Variants in ANK2 observed in about 807,000 individuals in gnomAD.
The protein encoded by ANK2 is ankyrin-2.
ANK2 carries 83 observed loss-of-function variants against 360.5 expected under a neutral mutation model. The ratio of observed to expected loss-of-function variants is 0.23; its 90% CI spans 0.19 to 0.28. The LOEUF is 0.28. ANK2 is among the 10% of genes least tolerant of loss of function. The pLI, the probability that ANK2 is intolerant of heterozygous loss-of-function variation, is 1.00. For synonymous variants in ANK2, 1,740 were observed against 1,759.5 expected (o/e 0.99, Z 0.28); for missense variants, 4,201 against 4,795.7 (o/e 0.88, Z 3.66).
In ANK2 at chr4:112,901,188, G is replaced by A. The variant is rs76416209; in HGVS notation, c.-39-3267G>A. On this transcript the variant is annotated intron_variant, in intron 1 of 30. Coordinates refer to the ANK2 transcript ENST00000503271. ...TTTTGTAGGGAGTCATTTTTTTGGG[G>A]TATTAGAGTGACCACTTTTAGCCCC... Among the ~76,000 whole-genome samples, 8 of 152,126 alleles carry A rather than the reference G, an allele frequency of 5.3e-5. No individual in the cohort carries two copies. The South Asian group carries it at 1.7e-3, about 32-fold the overall frequency.
chr4:112,954,122 G>A (rs1581814427), intron 2 of ANK2, among the ~76,000 whole-genome samples: 2 of 151,880 alleles, frequency 1.3e-5, no homozygotes, highest in South Asian at 2.1e-4. Flanking sequence ...CTTTTTCATA[G>A]AATTAAATTT....
intron 45 of ANK2, among the ~76,000 whole-genome samples, chr4:113,379,132 T>C (rs2097075936): frequency 6.6e-6 from 1 of 152,188 alleles, no homozygotes; most frequent in Admixed American, 6.5e-5. Context: ...AAGAGTGTAA[T>C]TGCTCTCTCA....
intron 2 of ANK2, among the ~76,000 whole-genome samples, chr4:112,937,575 G>A (rs1432002151): frequency 6.6e-6 from 1 of 152,088 alleles, no homozygotes; most frequent in Non-Finnish European, 1.5e-5. Context: ...TGATCCACCC[G>A]CCTCGGCCTC....
chr4:113,270,126 A>C (rs1225230082), intron 14 of ANK2, among the ~76,000 whole-genome samples: 1 of 152,056 alleles, frequency 6.6e-6, no homozygotes, highest in Non-Finnish European at 1.5e-5. Flanking sequence ...CAACCAGTGC[A>C]CTCTGACTAT....
chr4:113,093,353 A>G (rs1274078247), intron 1 of ANK2, among the ~76,000 whole-genome samples: 4 of 151,948 alleles, frequency 2.6e-5, no homozygotes, highest in Admixed American at 6.6e-5. Flanking sequence ...TTGTGTATTT[A>G]TATTTATTTT....
At chr4:113,236,936 C>A in intron 5 of ANK2, 51 bp from the exon 6 acceptor site, 1 of 1,561,840 alleles carries the variant, frequency 6.4e-7, no homozygotes, top group South Asian at 1.1e-5. Flanking sequence ...AGAACTAAAT[C>A]TCTAGCATCT....
the ANK2 span, among the ~76,000 whole-genome samples, chr4:112,725,400 G>A: frequency 5.9e-5 from 6 of 101,906 alleles, no homozygotes; most frequent in Non-Finnish European, 9.0e-5. Flanking sequence ...TTGCTGTGTC[G>A]CCCAGGCTGG....
Position 113,365,079 on chromosome 4 carries a change from G to A in ANK2, c.10929G>A (p.Met3643Ile). The A allele has an allele frequency of 6.2e-7, 1 of 1,613,928 alleles. No homozygotes were observed. Among genetic ancestry groups the A allele is most frequent in the Non-Finnish European group, 8.5e-7 (1 of 1,179,892 alleles). The change falls in exon 41 of 46, where the codon ATG becomes ATA. Residue 3643 changes from methionine (M) to isoleucine (I), a missense_variant. This residue lies in a region of ANK2 where 2,642 missense variants were observed against 2,714.5 expected (regional missense o/e 0.97). Transcript: ENST00000357077. ...AATGTCTCACCAAGATCAACCGAAT[G>A]GATATTGTTCATCTCATGGAGACCA... is the stretch of plus-strand genomic sequence containing the variant. ...LVECLTKINR[M>I]DIVHLMETNT...
chr4:113,070,342 T>C (rs1309965937), intron 1 of ANK2, among the ~76,000 whole-genome samples: 1 of 151,790 alleles, frequency 6.6e-6, no homozygotes, highest in Non-Finnish European at 1.5e-5. Context: ...CCTTTATCAT[T>C]AAAAAAAAGT....
chr4:112,842,711 CTCCT>C (rs1172093965), intron 1 of ANK2, among the ~76,000 whole-genome samples: 1 of 152,232 alleles, frequency 6.6e-6, no homozygotes, highest in Non-Finnish European at 1.5e-5. Flanking sequence ...GGCCGCTCAG[CTCCT>C]GCTGTGCGGC....
intron 2 of ANK2, among the ~76,000 whole-genome samples, chr4:112,947,241 T>C (rs2094600833): frequency 6.6e-6 from 1 of 152,244 alleles, no homozygotes; most frequent in South Asian, 2.1e-4. Flanking sequence ...AGGCTTTTTA[T>C]GTCGCTCATT....
chr4:113,288,116 A>T (rs1365261922), intron 19 of ANK2, among the ~76,000 whole-genome samples: 3 of 152,138 alleles, frequency 2.0e-5, no homozygotes, highest in Non-Finnish European at 4.4e-5. Flanking sequence ...TGCATCTCCT[A>T]TCAGAGTCAT....
At chr4:113,352,023 A>G (rs2095443202) in intron 37 of ANK2, among the ~76,000 whole-genome samples, 1 of 152,194 alleles carries the variant, frequency 6.6e-6, no homozygotes, top group South Asian at 2.1e-4. Context: ...CACCTTCAGC[A>G]GCTTATGCAT....
At chr4:112,844,358 T>C (rs898028102) in intron 1 of ANK2, among the ~76,000 whole-genome samples, 6 of 152,218 alleles carry the variant, frequency 3.9e-5, no homozygotes, top group African/African-American at 1.4e-4. Flanking sequence ...ACAACGATTA[T>C]ATTTTATCAT....
intron 1 of ANK2, chr4:113,149,256 T>G (rs1346247136): frequency 6.6e-6 from 1 of 152,122 alleles, no homozygotes; most frequent in Non-Finnish European, 1.5e-5. Context: ...TTGAAAGATT[T>G]TTGGGAGATT....
At chr4:113,312,428 T>C (rs1185847036) in intron 24 of ANK2, among the ~76,000 whole-genome samples, 1 of 152,180 alleles carries the variant, frequency 6.6e-6, no homozygotes, top group African/African-American at 2.4e-5. Context: ...ATAAATACCT[T>C]AAAGTCTAAG....
At chr4:112,808,855 C>CTATT in the ANK2 span, among the ~76,000 whole-genome samples, 13 of 151,874 alleles carry the variant, frequency 8.6e-5, no homozygotes, top group South Asian at 4.2e-4. Context: ...GACATACAGA[C>CTATT]TATTTATTTA....
chr4:113,192,428 GTCTT>G (rs1349627838), intron 2 of ANK2, among the ~76,000 whole-genome samples: 1 of 152,176 alleles, frequency 6.6e-6, no homozygotes, highest in Non-Finnish European at 1.5e-5. Context: ...AGTGCACTCT[GTCTT>G]TCTTTATGCT....
At chr4:113,250,264 T>A (rs1022425512) in intron 10 of ANK2, among the ~76,000 whole-genome samples, 1 of 152,222 alleles carries the variant, frequency 6.6e-6, no homozygotes, top group Non-Finnish European at 1.5e-5. Context: ...ATCTTTTTGC[T>A]CATCCAATCT....
Sources: allele counts gnomAD v4.1 joint callset (sites outside exome capture counted in the v4.1 genomes callset), GRCh38; gene constraint gnomAD v4.1.1; regional missense constraint gnomAD v4.1.1; transcripts MANE v1.5; gene names NCBI Gene and HGNC (gene_info 2026-07-23, HGNC 2026-07-21).